UBE2V2: variants seen among roughly 807,000 people sequenced by gnomAD.
The protein encoded by UBE2V2 is ubiquitin-conjugating enzyme E2 variant 2.
Under a neutral mutation model 17.2 loss-of-function variants are expected in UBE2V2, and 9 were observed. That is an observed-to-expected ratio of 0.52 (90% CI 0.32 to 0.91). The LOEUF is 0.91. UBE2V2 is among the 40% of genes least tolerant of loss of function. The pLI, the probability that UBE2V2 is intolerant of heterozygous loss-of-function variation, is 0.04. For synonymous variants in UBE2V2, 61 were observed against 57.5 expected, an observed-to-expected ratio of 1.06 and a Z score of -0.28; for missense variants, 133 against 182.6, an observed-to-expected ratio of 0.73 and a Z score of 1.56.
intron 3 of UBE2V2, among the ~76,000 whole-genome samples, chr8:48,055,766 CTTT>C (rs11299073): frequency 3.0e-4 from 36 of 121,540 alleles, no homozygotes; most frequent in Non-Finnish European, 2.6e-4. Context: ...CACTTTCTGT[CTTT>C]TTTTTTTTTT....
intron 1 of UBE2V2, among the ~76,000 whole-genome samples, chr8:48,040,850 T>TG (rs1230674432): frequency 7.6e-6 from 1 of 132,096 alleles, no homozygotes; most frequent in Non-Finnish European, 1.7e-5. Flanking sequence ...CTGGGTTTTT[T>TG]TTTTTTTTTT....
upstream of UBE2V2, chr8:48,008,356 C>G (rs1233667191): frequency 2.1e-6 from 3 of 1,418,186 alleles, no homozygotes; most frequent in Non-Finnish European, 2.8e-6. Flanking sequence ...CCGCCGGGGG[C>G]GGAGTCCGCT....
the UBE2V2 span, among the ~76,000 whole-genome samples, chr8:47,997,921 C>T: frequency 2.0e-5 from 3 of 151,746 alleles, no homozygotes; most frequent in African/African-American, 4.8e-5. Flanking sequence ...GCGAAGTCAT[C>T]GGCTGGGGCT....
At chr8:48,027,663 G>A (rs1420570636) in intron 1 of UBE2V2, among the ~76,000 whole-genome samples, 1 of 151,574 alleles carries the variant, frequency 6.6e-6, no homozygotes, top group East Asian at 2.0e-4. Context: ...TTATGCCTGG[G>A]TAATTTTTGT....
chr8:48,015,050 C>CAA (rs1173137634), intron 1 of UBE2V2, among the ~76,000 whole-genome samples: 12 of 63,736 alleles, frequency 1.9e-4, no homozygotes, highest in African/African-American at 4.9e-4. Context: ...ACTCCATCTC[C>CAA]AAAAAAAAAA....
intron 2 of UBE2V2, among the ~76,000 whole-genome samples, chr8:48,045,612 C>T (rs2091493516): frequency 6.6e-6 from 1 of 152,082 alleles, no homozygotes; most frequent in Admixed American, 6.6e-5. Flanking sequence ...TTCTTAAGTG[C>T]CAAGGTGCCG....
At chr8:48,017,151 GT>G (rs771647854) in intron 1 of UBE2V2, among the ~76,000 whole-genome samples, 9 of 150,282 alleles carry the variant, frequency 6.0e-5, no homozygotes, top group African/African-American at 1.2e-4. Context: ...CCTCATGTGG[GT>G]TTTTTTTTGC....
At chr8:48,007,741 CTTT>C (rs5891259), upstream of UBE2V2, among the ~76,000 whole-genome samples, 2 of 144,322 alleles carry the variant, frequency 1.4e-5, no homozygotes, top group Non-Finnish European at 1.5e-5. Context: ...TTCTTTCTTT[CTTT>C]TTTTTTTTTG....
chr8:48,004,974 C>T (rs573440732), upstream of UBE2V2, among the ~76,000 whole-genome samples: 110 of 151,362 alleles, frequency 7.3e-4, no homozygotes, highest in African/African-American at 2.1e-3. Flanking sequence ...GCTACAGGCA[C>T]GAACCAGAAT....
At chr8:48,019,321 G>A (rs2091289375) in intron 1 of UBE2V2, among the ~76,000 whole-genome samples, 1 of 152,040 alleles carries the variant, frequency 6.6e-6, no homozygotes, top group African/African-American at 2.4e-5. Flanking sequence ...CCGAGATCAC[G>A]GCACTGCACT....
At position 48,061,023 on chromosome 8, in the gene UBE2V2, C is replaced by T. The variant is rs903132458; in HGVS notation, c.*195C>T. ...AGGTAACAGGAGGAAAAATGCAGCA[C>T]AATTTTTTTTCTCTTGAAAGGCACT... On this transcript the variant is annotated 3_prime_UTR_variant, in exon 4 of 4. Coordinates refer to ENST00000523111, the MANE Select transcript of UBE2V2 (RefSeq NM_003350.3). 1.4e-5 allele frequency: 6 copies of T among 443,148 alleles called. No homozygotes were observed. Among genetic ancestry groups the T allele is most frequent in the African/African-American group, 6.1e-5 (3 of 49,162 alleles). The allele number at this position is 443,148 out of a possible 1,614,324, so 27.5% of individuals were successfully genotyped here.
chr8:48,008,301 G>T, upstream of UBE2V2: 1 of 952,324 alleles, frequency 1.1e-6, no homozygotes, highest in Non-Finnish European at 1.4e-6. Context: ...GAGGCCCCGC[G>T]ACCCCTCGGC....
At chr8:48,050,495 T>G (rs1410491364) in intron 3 of UBE2V2, 2 of 152,444 alleles carry the variant, frequency 1.3e-5, no homozygotes, top group Admixed American at 6.5e-5. Flanking sequence ...CCTCCCAAAG[T>G]GCTGGGATTA....
chr8:48,026,858 G>C (rs528623801), intron 1 of UBE2V2, among the ~76,000 whole-genome samples: 1 of 152,162 alleles, frequency 6.6e-6, no homozygotes, highest in Non-Finnish European at 1.5e-5. Context: ...TTGGGAATAA[G>C]GCTGCTGTAA....
intron 1 of UBE2V2, among the ~76,000 whole-genome samples, chr8:48,011,816 G>C (rs1001265491): frequency 6.6e-6 from 1 of 152,194 alleles, no homozygotes; most frequent in Admixed American, 6.6e-5. Flanking sequence ...GCCACACCTG[G>C]CTAATTTTTA....
At chr8:48,001,046 C>T in the UBE2V2 span, among the ~76,000 whole-genome samples, 2 of 152,036 alleles carry the variant, frequency 1.3e-5, no homozygotes, top group Non-Finnish European at 2.9e-5. Flanking sequence ...GTGGATTGAG[C>T]CTTTCAAATA....
chr8:48,024,779 C>G (rs2091328930), intron 1 of UBE2V2, among the ~76,000 whole-genome samples: 1 of 151,978 alleles, frequency 6.6e-6, no homozygotes, highest in Non-Finnish European at 1.5e-5. Flanking sequence ...ACTCCATGTT[C>G]TTTTAAGGTG....
At chr8:48,047,113 G>A (rs762086857) in intron 2 of UBE2V2, among the ~76,000 whole-genome samples, 8 of 151,724 alleles carry the variant, frequency 5.3e-5, no homozygotes, top group Non-Finnish European at 8.8e-5. Flanking sequence ...GGCTAATTTT[G>A]TATTTTTAGT....
upstream of UBE2V2, among the ~76,000 whole-genome samples, chr8:48,005,716 T>C (rs1473203864): frequency 1.3e-5 from 2 of 152,244 alleles, no homozygotes; most frequent in Non-Finnish European, 2.9e-5. Flanking sequence ...CCATTCTACC[T>C]GGTGTGAGAT....
Sources: allele counts gnomAD v4.1 joint callset (sites outside exome capture counted in the v4.1 genomes callset), GRCh38; gene constraint gnomAD v4.1.1; transcripts MANE v1.5; gene names NCBI Gene and HGNC (gene_info 2026-07-23, HGNC 2026-07-21).